Variants in SLC39A11 observed in about 807,000 individuals in gnomAD.
The protein encoded by SLC39A11 is solute carrier family 39 member 11.
In SLC39A11, 33 loss-of-function variants were observed where a neutral mutation model predicts 36.1. The ratio of observed to expected loss-of-function variants is 0.91; its 90% CI spans 0.69 to 1.22. SLC39A11 has a LOEUF of 1.22. SLC39A11 is among the 50% of genes most tolerant of loss of function. The pLI is 0.00. For missense variants in SLC39A11, 432 were observed against 430.3 expected, an observed-to-expected ratio of 1.00 and a Z score of -0.03; for synonymous variants, 166 against 170.3, an observed-to-expected ratio of 0.97 and a Z score of 0.20.
At chr17:72,744,442 T>C (rs1383588945) in intron 6 of SLC39A11, among the ~76,000 whole-genome samples, 1 of 152,186 alleles carries the variant, frequency 6.6e-6, no homozygotes, top group African/African-American at 2.4e-5. Context: ...AAAATTAAAC[T>C]CTTATATTAA....
intron 3 of SLC39A11, among the ~76,000 whole-genome samples, chr17:73,041,011 A>AAC (rs934163689): frequency 2.7e-5 from 4 of 149,696 alleles, no homozygotes; most frequent in African/African-American, 9.8e-5. Flanking sequence ...ACAAAAAACA[A>AAC]AAAAAAAAAA....
At chr17:72,789,197 G>A (rs1242438984) in intron 6 of SLC39A11, among the ~76,000 whole-genome samples, 1 of 152,104 alleles carries the variant, frequency 6.6e-6, no homozygotes, top group Non-Finnish European at 1.5e-5. Flanking sequence ...ACCATGTCCG[G>A]CTAATTTCTG....
At chr17:72,909,816 GCTCAC>G (rs2082879768) in intron 5 of SLC39A11, among the ~76,000 whole-genome samples, 1 of 150,828 alleles carries the variant, frequency 6.6e-6, no homozygotes, top group South Asian at 2.1e-4. Flanking sequence ...CGTGATCTCG[GCTCAC>G]TGCAACCTCC....
At chr17:72,998,702 G>A (rs1401289084) in intron 4 of SLC39A11, among the ~76,000 whole-genome samples, 1 of 152,192 alleles carries the variant, frequency 6.6e-6, no homozygotes, top group Non-Finnish European at 1.5e-5. Flanking sequence ...ATCTCTATGT[G>A]GTTTTGACAC....
chr17:72,866,642 C>G (rs1555608026), intron 5 of SLC39A11, among the ~76,000 whole-genome samples: 1 of 151,948 alleles, frequency 6.6e-6, no homozygotes, highest in Non-Finnish European at 1.5e-5. Context: ...TATACACAAC[C>G]AGAGAGAAAG....
At chr17:72,716,180 G>C (rs532529443) in intron 7 of SLC39A11, among the ~76,000 whole-genome samples, 48 of 152,214 alleles carry the variant, frequency 3.2e-4, no homozygotes, top group African/African-American at 9.6e-4. Flanking sequence ...GTTGGGCAGA[G>C]GCCCCTGGCA....
At chr17:72,789,391 G>C (rs2076626525) in intron 6 of SLC39A11, among the ~76,000 whole-genome samples, 1 of 152,200 alleles carries the variant, frequency 6.6e-6, no homozygotes, top group South Asian at 2.1e-4. Flanking sequence ...TCATGGAGAA[G>C]AACAATGGAG....
intron 7 of SLC39A11, among the ~76,000 whole-genome samples, chr17:72,654,311 C>G (rs973186260): frequency 6.6e-6 from 1 of 152,100 alleles, no homozygotes; most frequent in African/African-American, 2.4e-5. Flanking sequence ...GCCTAGGACT[C>G]GAAAGCTAGC....
intron 5 of SLC39A11, among the ~76,000 whole-genome samples, chr17:72,871,398 T>C (rs1183471214): frequency 6.6e-6 from 1 of 152,270 alleles, no homozygotes; most frequent in Admixed American, 6.5e-5. Context: ...TAAGTTTACA[T>C]GTGTGCGGTG....
rs181124078 is a variant in SLC39A11, at chr17:72,931,685, A to G, written c.430+16067T>C. 6.6e-5 allele frequency among the ~76,000 whole-genome samples: 10 copies of G among 151,858 alleles called. No individual in the cohort carries two copies. The East Asian group carries it at 1.9e-3, about 29-fold the overall frequency. ...GACGAAAGTCTTAGCAAGTTACTCA[A>G]CTCAAACTTTCACACTGCACAACAA... On this transcript the variant is annotated intron_variant, in intron 5 of 9. Coordinates refer to ENST00000255559, the MANE Select transcript of SLC39A11 (RefSeq NM_139177.4).
chr17:73,053,275 G>A (rs1430752377), intron 3 of SLC39A11, among the ~76,000 whole-genome samples: 3 of 151,036 alleles, frequency 2.0e-5, no homozygotes, highest in South Asian at 2.1e-4. Context: ...AAGAAAAAAC[G>A]ATAGAAGATT....
At chr17:72,798,554 C>T (rs1196082178) in intron 6 of SLC39A11, among the ~76,000 whole-genome samples, 1 of 151,912 alleles carries the variant, frequency 6.6e-6, no homozygotes, top group Non-Finnish European at 1.5e-5. Flanking sequence ...GCTGGGATTA[C>T]AGGCACCCAC....
At chr17:72,969,306 C>T (rs1326726409) in intron 4 of SLC39A11, among the ~76,000 whole-genome samples, 3 of 151,662 alleles carry the variant, frequency 2.0e-5, no homozygotes, top group Non-Finnish European at 4.4e-5. Context: ...CTGTAATGTG[C>T]GGAGGGAGAA....
At chr17:72,977,858 C>T (rs2087976763) in intron 4 of SLC39A11, among the ~76,000 whole-genome samples, 1 of 152,198 alleles carries the variant, frequency 6.6e-6, no homozygotes, top group African/African-American at 2.4e-5. Flanking sequence ...GAGAGCACGG[C>T]CAGCCACCAG....
At chr17:72,741,349 T>C (rs775296108) in intron 6 of SLC39A11, among the ~76,000 whole-genome samples, 4 of 152,250 alleles carry the variant, frequency 2.6e-5, no homozygotes, top group Non-Finnish European at 5.9e-5. Flanking sequence ...ACACTGCATC[T>C]TTACGTTTGC....
At chr17:72,703,539 T>C (rs1290079835) in intron 7 of SLC39A11, among the ~76,000 whole-genome samples, 1 of 152,188 alleles carries the variant, frequency 6.6e-6, no homozygotes, top group Non-Finnish European at 1.5e-5. Flanking sequence ...ACATTCTTTG[T>C]CTTGACAATA....
intron 4 of SLC39A11, among the ~76,000 whole-genome samples, chr17:73,019,035 C>A (rs560145085): frequency 1.3e-5 from 2 of 152,268 alleles, no homozygotes; most frequent in South Asian, 2.1e-4. Flanking sequence ...TCATCTTCAA[C>A]GTCCTAAAAG....
chr17:72,911,874 C>A (rs2083023132), intron 5 of SLC39A11, among the ~76,000 whole-genome samples: 1 of 152,172 alleles, frequency 6.6e-6, no homozygotes, highest in Non-Finnish European at 1.5e-5. Flanking sequence ...GAACTTCCAA[C>A]CTCAGGTGAT....
At chr17:72,691,527 G>A (rs1038352625) in intron 7 of SLC39A11, among the ~76,000 whole-genome samples, 6 of 152,122 alleles carry the variant, frequency 3.9e-5, no homozygotes, top group Admixed American at 3.9e-4. Context: ...TGACGGTTTC[G>A]TCCTCATTCG....
Sources: allele counts gnomAD v4.1 joint callset (sites outside exome capture counted in the v4.1 genomes callset), GRCh38; gene constraint gnomAD v4.1.1; transcripts MANE v1.5; gene names NCBI Gene and HGNC (gene_info 2026-07-23, HGNC 2026-07-21).